RHBDD1: variants seen among roughly 807,000 people sequenced by gnomAD.
RHBDD1 encodes rhomboid-related protein 4.
RHBDD1 carries 38 observed loss-of-function variants against 36.3 expected under a neutral mutation model. The observed-to-expected ratio is 1.05, with a 90% CI of 0.81 to 1.37. The LOEUF is 1.37. RHBDD1 is among the 40% of genes most tolerant of loss of function. The pLI is 0.00. For synonymous variants in RHBDD1, 151 were observed against 136.5 expected (o/e 1.11, Z -0.74); for missense variants, 393 against 377.6 (o/e 1.04, Z -0.34).
At chr2:226,937,325 T>G (rs1005186737) in intron 8 of RHBDD1, among the ~76,000 whole-genome samples, 2 of 152,156 alleles carry the variant, frequency 1.3e-5, no homozygotes, top group Non-Finnish European at 2.9e-5. Context: ...TAGTACCCGC[T>G]TTTTGAGCTG....
At chr2:226,949,648 A>G (rs957077163) in intron 8 of RHBDD1, among the ~76,000 whole-genome samples, 1 of 152,206 alleles carries the variant, frequency 6.6e-6, no homozygotes, top group African/African-American at 2.4e-5. Flanking sequence ...TTAGTTTGCT[A>G]GGACCATCAT....
upstream of RHBDD1, among the ~76,000 whole-genome samples, chr2:226,833,458 A>G (rs1277084361): frequency 1.3e-5 from 2 of 152,190 alleles, no homozygotes; most frequent in East Asian, 3.8e-4. Flanking sequence ...GAACTGTACA[A>G]GGGTTGTTAC....
chr2:226,811,270 A>T, the RHBDD1 span, among the ~76,000 whole-genome samples: 1 of 152,008 alleles, frequency 6.6e-6, no homozygotes, highest in African/African-American at 2.4e-5. Flanking sequence ...TTAGTCATGC[A>T]GGTGGGGAAA....
upstream of RHBDD1, among the ~76,000 whole-genome samples, chr2:226,831,829 G>A (rs1217138822): frequency 6.6e-6 from 1 of 151,874 alleles, no homozygotes; most frequent in Non-Finnish European, 1.5e-5. Context: ...TAATTTATTG[G>A]CACAACGTTA....
chr2:226,870,029 C>T (rs1944655741), intron 5 of RHBDD1, among the ~76,000 whole-genome samples: 1 of 152,170 alleles, frequency 6.6e-6, no homozygotes, highest in Non-Finnish European at 1.5e-5. Flanking sequence ...TCGTCTGAGC[C>T]TTAGGCTATC....
chr2:226,981,494 TAGCACACACA>T (rs1285810876), intron 8 of RHBDD1, among the ~76,000 whole-genome samples: 3 of 150,530 alleles, frequency 2.0e-5, no homozygotes, highest in African/African-American at 7.3e-5. Flanking sequence ...CTCTGTAGGT[TAGCACACACA>T]AGCACACACT....
At chr2:226,844,707 G>A (rs1402550136) in intron 3 of RHBDD1, among the ~76,000 whole-genome samples, 1 of 152,108 alleles carries the variant, frequency 6.6e-6, no homozygotes, top group Non-Finnish European at 1.5e-5. Context: ...GTGCCTCCTG[G>A]TTTAAAAACC....
chr2:226,938,841 G>A (rs561224562), intron 8 of RHBDD1, among the ~76,000 whole-genome samples: 11 of 151,952 alleles, frequency 7.2e-5, no homozygotes, highest in Non-Finnish European at 1.2e-4. Context: ...GAAAATTTTA[G>A]GCCAATATCT....
chr2:226,874,022 G>A (rs985993392), intron 5 of RHBDD1, among the ~76,000 whole-genome samples: 1 of 152,152 alleles, frequency 6.6e-6, no homozygotes, highest in African/African-American at 2.4e-5. Flanking sequence ...GGTGGCAGGT[G>A]TAAGAGAGAG....
intron 8 of RHBDD1, among the ~76,000 whole-genome samples, chr2:226,967,382 CTTTAT>C (rs1239894580): frequency 1.3e-5 from 2 of 151,398 alleles, no homozygotes; most frequent in Non-Finnish European, 2.9e-5. Context: ...TTCTTTTTTT[CTTTAT>C]TTTATTATTA....
intron 5 of RHBDD1, among the ~76,000 whole-genome samples, chr2:226,897,250 C>T (rs1035140834): frequency 2.0e-5 from 3 of 152,110 alleles, no homozygotes; most frequent in African/African-American, 7.2e-5. Context: ...AGAAGCCATC[C>T]CAGACAGTTC....
chr2:226,909,616 T>A (rs765973979), intron 7 of RHBDD1, among the ~76,000 whole-genome samples: 4 of 151,992 alleles, frequency 2.6e-5, no homozygotes, highest in Non-Finnish European at 4.4e-5. Context: ...GTCATGAGGG[T>A]AGGGCCCTCA....
chr2:226,976,239 C>G (rs1048721412), intron 8 of RHBDD1, among the ~76,000 whole-genome samples: 6 of 146,896 alleles, frequency 4.1e-5, no homozygotes, highest in Non-Finnish European at 7.5e-5. Context: ...TCACTTAAGT[C>G]CTCTGTCACC....
At chr2:226,804,737 G>A in the RHBDD1 span, 1 of 152,206 alleles carries the variant, frequency 6.6e-6, no homozygotes, top group East Asian at 1.9e-4. Flanking sequence ...AGGTGGATGA[G>A]GTTGGAAGAA....
the RHBDD1 span, chr2:226,808,451 G>A: frequency 6.6e-6 from 1 of 152,212 alleles, no homozygotes; most frequent in Admixed American, 6.5e-5. Flanking sequence ...GTCCTGGCTG[G>A]GATGGCTCAA....
intron 5 of RHBDD1, among the ~76,000 whole-genome samples, chr2:226,893,155 C>G (rs995806766): frequency 6.6e-6 from 1 of 152,170 alleles, no homozygotes; most frequent in Non-Finnish European, 1.5e-5. Context: ...GAGAGTCCAT[C>G]TACCATAGGG....
At chr2:226,844,457 A>T (rs929657543) in intron 3 of RHBDD1, among the ~76,000 whole-genome samples, 3 of 152,246 alleles carry the variant, frequency 2.0e-5, no homozygotes, top group East Asian at 3.8e-4. Flanking sequence ...TATTTGAAGC[A>T]TGGCATGCTT....
At chr2:226,945,627 C>T (rs1288981617) in intron 8 of RHBDD1, among the ~76,000 whole-genome samples, 1 of 152,104 alleles carries the variant, frequency 6.6e-6, no homozygotes, top group East Asian at 1.9e-4. Flanking sequence ...CATACGTCTG[C>T]ATGTGTCTAT....
At chr2:226,953,354 T>C (rs1951563629) in intron 8 of RHBDD1, among the ~76,000 whole-genome samples, 2 of 152,062 alleles carry the variant, frequency 1.3e-5, no homozygotes, top group Non-Finnish European at 2.9e-5. Flanking sequence ...TGTGGAAAAA[T>C]GTTAGTTTGA....
Sources: allele counts gnomAD v4.1 joint callset (sites outside exome capture counted in the v4.1 genomes callset), GRCh38; gene constraint gnomAD v4.1.1; transcripts MANE v1.5; gene names NCBI Gene and HGNC (gene_info 2026-07-23, HGNC 2026-07-21).